VAV1: variants seen among roughly 807,000 people sequenced by gnomAD.
VAV1 encodes vav guanine nucleotide exchange factor 1.
Under a neutral mutation model 128.1 loss-of-function variants are expected in VAV1, and 33 were observed. That is an observed-to-expected ratio of 0.26 (90% CI 0.20 to 0.34). The LOEUF is 0.34. VAV1 is among the 10% of genes least tolerant of loss of function. VAV1 has a pLI of 1.00. For synonymous variants in VAV1, 394 were observed against 409.8 expected, an observed-to-expected ratio of 0.96 and a Z score of 0.47; for missense variants, 715 against 1,093.7, an observed-to-expected ratio of 0.65 and a Z score of 4.88.
At chr19:6,841,203 C>T (rs1474603049) in intron 21 of VAV1, among the ~76,000 whole-genome samples, 1 of 152,072 alleles carries the variant, frequency 6.6e-6, no homozygotes, top group Admixed American at 6.6e-5. Flanking sequence ...GCATGAGCCA[C>T]CGTGCTGGGC....
intron 1 of VAV1, chr19:6,784,175 GC>G: frequency 1.7e-6 from 1 of 594,464 alleles, no homozygotes; most frequent in South Asian, 2.1e-5. Context: ...GATCGCTTGA[GC>G]CCAGGAGTTT....
rs561987829 is a variant in VAV1 at position 6,790,075 on chromosome 19, G to A, written c.204+17064G>A. Among the ~76,000 whole-genome samples, 8 of 152,314 alleles carry A rather than the reference G, an allele frequency of 5.3e-5. No individual in the cohort carries two copies. In the South Asian group the frequency reaches 1.2e-3, roughly 24 times the overall value. ...CGCCTGTAATCCCAGCTACTCGAGA[G>A]GCTGAGGCAGAAGAATCACTTAAGC... On this transcript the variant is annotated intron_variant, in intron 1 of 26. Transcript: ENST00000602142.
At chr19:6,810,387 C>T (rs745647904) in intron 1 of VAV1, among the ~76,000 whole-genome samples, 5 of 152,174 alleles carry the variant, frequency 3.3e-5, no homozygotes, top group South Asian at 2.1e-4. Flanking sequence ...TCGTTCCTGG[C>T]TTGTAGACGA....
At chr19:6,802,013 G>T (rs1000580674) in intron 1 of VAV1, among the ~76,000 whole-genome samples, 1 of 127,736 alleles carries the variant, frequency 7.8e-6, no homozygotes, top group Non-Finnish European at 1.7e-5. Context: ...GTTGCCCCCA[G>T]CAGGGAGGAA....
intron 1 of VAV1, chr19:6,784,203 A>ATGATTG: frequency 1.5e-6 from 1 of 646,634 alleles, no homozygotes; most frequent in Non-Finnish European, 2.8e-6. Flanking sequence ...GCAGTGAGCT[A>ATGATTG]TGATTGTGCT....
At chr19:6,817,972 C>T (rs1309512198) in intron 1 of VAV1, among the ~76,000 whole-genome samples, 1 of 152,170 alleles carries the variant, frequency 6.6e-6, no homozygotes, top group African/African-American at 2.4e-5. Context: ...AGGCATGAGC[C>T]ACCACGCCCA....
At position 6,833,917 on chromosome 19, in the gene VAV1, C is replaced by A; in HGVS notation, c.1741C>A (p.His581Asn). 2.5e-6 allele frequency: 4 copies of A among 1,614,040 alleles called. No homozygotes were observed. Among genetic ancestry groups the A allele is most frequent in the Non-Finnish European group, 3.4e-6 (4 of 1,180,026 alleles). Residue 581 changes from histidine (H) to asparagine (N), a missense_variant, in exon 19 of 27, where the codon CAT (histidine) becomes AAT (asparagine). This residue lies in a region of VAV1 where 407 missense variants were observed against 580.6 expected (regional missense o/e 0.70). Coordinates refer to ENST00000602142, the MANE Select transcript of VAV1 (RefSeq NM_005428.4). The part of the protein sequence containing the change: ...FPGTMKKDKL[H>N]RRAQDKKRNE... ...TTGTTTCTCCTTCCAGGACAAACTACATCGCAGGGCTCAGGACAAAAAGAG... is the reference window on the plus strand; with the variant it reads ...TTGTTTCTCCTTCCAGGACAAACTAAATCGCAGGGCTCAGGACAAAAAGAG...
At position 6,772,772 on chromosome 19, in the gene VAV1, C is replaced by T. The variant is rs371861738; in HGVS notation, c.-36C>T. The T allele has an allele frequency of 2.3e-5, 37 of 1,597,744 alleles. No homozygotes were observed. The highest frequency in any genetic ancestry group is 2.9e-5 in the Non-Finnish European group (34 of 1,172,384). ...GCGGGCGGGTGGGTGGTGGAGGCTG[C>T]GAGGGTGCACGGCCGGCCCTGGGCA... On this transcript the variant is annotated 5_prime_UTR_variant, in exon 1 of 27. Transcript: ENST00000602142. This position sits in a 1 kb window ranked among gnomAD's most constrained non-coding sequence, Gnocchi z 4.8.
rs868194241 is a variant in VAV1, at chr19:6,798,473, T to A, written c.205-22229T>A. 2.3e-4 allele frequency among the ~76,000 whole-genome samples: 35 copies of A among 151,400 alleles called. No homozygotes were observed. The South Asian group carries it at 3.1e-3, about 13-fold the overall frequency. On this transcript the variant is annotated intron_variant, in intron 1 of 26. Coordinates refer to ENST00000602142, the MANE Select transcript of VAV1 (RefSeq NM_005428.4). ...TGAGACCAGCCTCATCTCTAATAAA[T>A]AATAAATAAATAAATAAATAAATAA...
At chr19:6,844,241 G>C (rs1972460919) in intron 22 of VAV1, among the ~76,000 whole-genome samples, 1 of 151,712 alleles carries the variant, frequency 6.6e-6, no homozygotes, top group African/African-American at 2.4e-5. Flanking sequence ...GCATGATGAT[G>C]CTCCCATCTT....
chr19:6,814,664 C>CT (rs1355542505), intron 1 of VAV1, among the ~76,000 whole-genome samples: 2,123 of 75,776 alleles, frequency 0.028, 20 homozygotes, highest in South Asian at 0.04. Context: ...TCCTTCCTTC[C>CT]TTCCTTCCTT....
chr19:6,805,583 T>TATACACACACAC (rs370624141), intron 1 of VAV1, among the ~76,000 whole-genome samples: 24 of 139,094 alleles, frequency 1.7e-4, no homozygotes, highest in African/African-American at 5.8e-4. Flanking sequence ...TTTCTACAGA[T>TATACACACACAC]ACACACACAC....
chr19:6,853,096 T>G lies in VAV1; in HGVS notation c.2332+17T>G. The G allele has an allele frequency of 6.2e-7, 1 of 1,608,592 alleles. No individual in the cohort carries two copies. The highest frequency in any genetic ancestry group is 8.5e-7 in the Non-Finnish European group (1 of 1,176,236). On this transcript the variant is annotated intron_variant, in intron 25 of 26. Coordinates refer to ENST00000602142, the MANE Select transcript of VAV1 (RefSeq NM_005428.4). ...GGCCAGCAGGTAGGAGGTCTCAGAC[T>G]GGGGGCTTACAGCCTCAGCCCCTTC...
At position 6,822,338 on chromosome 19, in the gene VAV1, C is replaced by G. The variant is rs549237745; in HGVS notation, c.558+9C>G. 22 of 999,412 alleles carry G rather than the reference C, an allele frequency of 2.2e-5. No homozygotes were observed. Among genetic ancestry groups the G allele is most frequent in the African/African-American group, 1.5e-4 (9 of 59,794 alleles). The allele number at this position is 999,412 out of a possible 1,614,324, so 61.9% of individuals were successfully genotyped here. ...AGCCCGTGTCCATGCCGGTGCGTGA[C>G]GTGGAGGGTCGGGCCTGGGGAGGGC... On this transcript the variant is annotated intron_variant, in intron 5 of 26. Coordinates refer to ENST00000602142, the MANE Select transcript of VAV1 (RefSeq NM_005428.4). The surrounding 1 kb of genome is among the most constrained non-coding windows in gnomAD (Gnocchi z 5.9).
intron 26 of VAV1, 49 bp downstream of exon 26, chr19:6,854,147 G>A (rs1260159484): frequency 6.3e-7 from 1 of 1,599,474 alleles, no homozygotes; most frequent in Non-Finnish European, 8.5e-7. Context: ...GGTTGAGCTG[G>A]TGGTGGACGA....
chr19:6,778,874 CTTTTTT>C (rs1033290621), intron 1 of VAV1, among the ~76,000 whole-genome samples: 4 of 142,366 alleles, frequency 2.8e-5, no homozygotes, highest in Admixed American at 2.1e-4. Context: ...CCCGTCTCTA[CTTTTTT>C]TTTTTTTTTC....
intron 1 of VAV1, among the ~76,000 whole-genome samples, chr19:6,800,412 C>T (rs1456920980): frequency 2.6e-5 from 4 of 151,184 alleles, no homozygotes; most frequent in Non-Finnish European, 4.4e-5. Context: ...TGGGTTCAAG[C>T]GATTCTCCTT....
intron 1 of VAV1, among the ~76,000 whole-genome samples, chr19:6,811,669 A>G (rs879455432): frequency 5.3e-5 from 8 of 152,184 alleles, no homozygotes; most frequent in Non-Finnish European, 1.2e-4. Context: ...ATCTCCCTGC[A>G]TATAATTACT....
intron 1 of VAV1, among the ~76,000 whole-genome samples, chr19:6,783,716 C>T (rs1341058732): frequency 6.6e-6 from 1 of 152,072 alleles, no homozygotes; most frequent in African/African-American, 2.4e-5. Flanking sequence ...GATCCACTCG[C>T]CTCGGCCTCC....
Sources: gnomAD v4.1 joint callset for allele counts (sites outside exome capture counted in the v4.1 genomes callset) on GRCh38, gnomAD v4.1.1 for gene constraint, gnomAD v4.1.1 regional missense constraint, Gnocchi (gnomAD v3.1) non-coding constraint, MANE v1.5 for transcripts, NCBI Gene and HGNC (gene_info 2026-07-23, HGNC 2026-07-21) for gene names.